The following CDH13 variants were observed in gnomAD, a reference collection of about 807,000 sequenced individuals.
CDH13 encodes cadherin-13.
CDH13 carries 24 observed loss-of-function variants against 63.8 expected under a neutral mutation model. The ratio of observed to expected loss-of-function variants is 0.38; its 90% CI spans 0.27 to 0.53. The LOEUF is 0.53. Ranked by LOEUF, CDH13 falls within the 20% of genes least tolerant of loss-of-function variation. The probability of loss-of-function intolerance (pLI) is 0.85; values close to 1 mark genes in which losing one functional copy is unlikely to be tolerated. For missense variants in CDH13, 1,049 were observed against 903.1 expected (o/e 1.16, Z -2.07); for synonymous variants, 503 against 355.3 (o/e 1.42, Z -4.67).
chr16:82,659,682 G>T (rs145467487), intron 1 of CDH13, among the ~76,000 whole-genome samples: 2 of 152,128 alleles, frequency 1.3e-5, no homozygotes, highest in Non-Finnish European at 2.9e-5. Flanking sequence ...ATACAATGGG[G>T]GTAACATGGA....
At chr16:83,350,941 G>A (rs1011588883) in intron 6 of CDH13, among the ~76,000 whole-genome samples, 12 of 152,124 alleles carry the variant, frequency 7.9e-5, no homozygotes, top group African/African-American at 9.7e-5. Flanking sequence ...CGATCAAGTC[G>A]CCTTTGGGAC....
chr16:83,209,714 A>G (rs2039284786), intron 4 of CDH13, among the ~76,000 whole-genome samples: 1 of 152,200 alleles, frequency 6.6e-6, no homozygotes, highest in Non-Finnish European at 1.5e-5. Flanking sequence ...AGGGACAGTT[A>G]CCACCACCCA....
At chr16:83,167,577 T>C (rs2037734464) in intron 4 of CDH13, among the ~76,000 whole-genome samples, 1 of 150,908 alleles carries the variant, frequency 6.6e-6, no homozygotes, top group Admixed American at 6.6e-5. Context: ...CTGAGCTGTG[T>C]GCAGGTGGAT....
At chr16:82,904,639 C>G (rs2041583999) in intron 2 of CDH13, among the ~76,000 whole-genome samples, 1 of 152,180 alleles carries the variant, frequency 6.6e-6, no homozygotes, top group Admixed American at 6.5e-5. Context: ...ATGTGCAATT[C>G]AAGATACCTG....
At chr16:82,830,630 C>G (rs1167823644) in intron 1 of CDH13, among the ~76,000 whole-genome samples, 4 of 152,194 alleles carry the variant, frequency 2.6e-5, no homozygotes, top group Non-Finnish European at 5.9e-5. Flanking sequence ...AATTTGTGTT[C>G]TTACCTGCTC....
intron 5 of CDH13, among the ~76,000 whole-genome samples, chr16:83,300,518 C>A (rs2089708981): frequency 6.6e-6 from 1 of 152,188 alleles, no homozygotes; most frequent in African/African-American, 2.4e-5. Context: ...TAGGTTACAT[C>A]TTTCTGCCAG....
At chr16:83,386,824 T>C (rs1232713613) in intron 6 of CDH13, among the ~76,000 whole-genome samples, 1 of 152,214 alleles carries the variant, frequency 6.6e-6, no homozygotes, top group Non-Finnish European at 1.5e-5. Context: ...GTGATTCTCT[T>C]AGCCTTTTCT....
At chr16:83,280,652 C>T (rs1036375091) in intron 5 of CDH13, among the ~76,000 whole-genome samples, 1 of 151,766 alleles carries the variant, frequency 6.6e-6, no homozygotes, top group Non-Finnish European at 1.5e-5. Context: ...TGCCCAGATC[C>T]ATCAAAGAAA....
At chr16:82,710,489 C>T (rs140166039) in intron 1 of CDH13, among the ~76,000 whole-genome samples, 2,023 of 129,938 alleles carry the variant, frequency 0.016, 33 homozygotes, top group Middle Eastern at 0.062. Flanking sequence ...GCCGAGATCG[C>T]GCCACTGCAC....
rs149223013 is a variant in CDH13, at chr16:82,996,775, C to T, written c.158-35235C>T. On this transcript the variant is annotated intron_variant, in intron 2 of 13. Transcript: ENST00000567109. The stretch of plus-strand genomic sequence containing the variant: ...ATGATAACTATAGTGATGGTGATGA[C>T]GATGGTGATGGTGGGGGTAATGGTG... 2.7e-4 allele frequency among the ~76,000 whole-genome samples: 41 copies of T among 150,512 alleles called. 1 individual carries two copies. The highest frequency in any genetic ancestry group is 7.9e-4 in the East Asian group (4 of 5,092).
intron 6 of CDH13, among the ~76,000 whole-genome samples, chr16:83,456,129 G>C (rs1462139228): frequency 6.6e-6 from 1 of 152,202 alleles, no homozygotes; most frequent in Non-Finnish European, 1.5e-5. Flanking sequence ...AAACACCAGT[G>C]GGGAGTCACC....
chr16:83,548,932 T>C (rs1022199200), intron 7 of CDH13, among the ~76,000 whole-genome samples: 2 of 152,208 alleles, frequency 1.3e-5, no homozygotes, highest in Admixed American at 6.5e-5. Flanking sequence ...ATCTGAGTAT[T>C]TTCTTTGCCC....
intron 1 of CDH13, among the ~76,000 whole-genome samples, chr16:82,811,779 G>C (rs560259998): frequency 2.0e-5 from 3 of 152,152 alleles, no homozygotes; most frequent in Non-Finnish European, 4.4e-5. Flanking sequence ...AATTGGGTAT[G>C]TATAGACATT....
chr16:83,014,033 G>C (rs1017499067), intron 2 of CDH13, among the ~76,000 whole-genome samples: 1 of 152,024 alleles, frequency 6.6e-6, no homozygotes, highest in Non-Finnish European at 1.5e-5. Context: ...TGGCAAACAA[G>C]ACACTTTCTT....
intron 1 of CDH13, chr16:82,825,215 G>A (rs1048862884): frequency 3.9e-5 from 6 of 152,092 alleles, no homozygotes; most frequent in South Asian, 2.1e-4. Context: ...GCTTTTTATC[G>A]ATGATTTTAA....
At chr16:83,111,405 T>C (rs1449666558) in intron 3 of CDH13, among the ~76,000 whole-genome samples, 1 of 152,136 alleles carries the variant, frequency 6.6e-6, no homozygotes, top group Non-Finnish European at 1.5e-5. Context: ...ACATTTAGAC[T>C]AAAGCATAAA....
At chr16:83,535,983 C>T (rs2075179074) in intron 7 of CDH13, among the ~76,000 whole-genome samples, 1 of 151,676 alleles carries the variant, frequency 6.6e-6, no homozygotes, top group East Asian at 1.9e-4. Context: ...AAGAAAGAAA[C>T]CCATGGACAC....
intron 5 of CDH13, among the ~76,000 whole-genome samples, chr16:83,275,201 T>C (rs1432907752): frequency 6.6e-6 from 1 of 152,198 alleles, no homozygotes. Flanking sequence ...TTCAAGGCCT[T>C]AAGCAGCTGG....
chr16:82,859,780 G>C (rs1266227801), intron 2 of CDH13: 2 of 151,836 alleles, frequency 1.3e-5, no homozygotes, highest in East Asian at 3.9e-4. Context: ...CTGTGAGGCT[G>C]GGACACACTC....
Sources: gnomAD v4.1 joint callset for allele counts (sites outside exome capture counted in the v4.1 genomes callset) on GRCh38, gnomAD v4.1.1 for gene constraint, MANE v1.5 for transcripts, NCBI Gene and HGNC (gene_info 2026-07-23, HGNC 2026-07-21) for gene names.